Variants in RPL28 observed in about 807,000 individuals in gnomAD.
RPL28 encodes large ribosomal subunit protein eL28.
A neutral mutation model predicts 12.5 loss-of-function variants in RPL28; 4 were observed. That is an observed-to-expected ratio of 0.32 (90% CI 0.16 to 0.73). The LOEUF (loss-of-function observed/expected upper bound fraction) is 0.73, where lower values mean the gene tolerates loss of function less well. Among genes scored for constraint, RPL28 ranks in the 30% least tolerant of loss-of-function variants. RPL28 has a pLI of 0.66. For synonymous variants in RPL28, 91 were observed against 72.5 expected, an observed-to-expected ratio of 1.26 and a Z score of -1.30; for missense variants, 214 against 197.7, an observed-to-expected ratio of 1.08 and a Z score of -0.49.
intron 2 of RPL28, 51 bp from the exon 3 acceptor site, chr19:55,386,519 G>A (rs1184389551): frequency 6.3e-7 from 1 of 1,598,404 alleles, no homozygotes; most frequent in Non-Finnish European, 8.6e-7. Context: ...CGGGACCTTC[G>A]CATGTCTCCG....
In RPL28 at chr19:55,390,264, G is replaced by A. The variant is rs1600306383; in HGVS notation, c.*1932G>A. ...GTTGCCCAGGCTGGCGAGTGCAATG[G>A]CGCGATCTTGGCTCACTGCAGCCTC... On this transcript the variant is annotated 3_prime_UTR_variant, in exon 5 of 5. Transcript: ENST00000344063. 2.1e-6 allele frequency: 2 copies of A among 943,150 alleles called. No individual in the cohort carries two copies. The highest frequency in any genetic ancestry group is 5.5e-4 in the Middle Eastern group (1 of 1,812). 58.4% of individuals were successfully genotyped at this position (943,150 alleles called of 1,614,324 possible). A position where few individuals can be genotyped will look rare whatever the true frequency, so the allele number is the denominator to read the frequency against.
chr19:55,386,954 G>A (rs1405732330), intron 3 of RPL28: 5 of 1,457,564 alleles, frequency 3.4e-6, no homozygotes, highest in Non-Finnish European at 4.5e-6. Context: ...GAGAGTTAAG[G>A]CACGGGGTTG....
In RPL28 at chr19:55,390,932, A is replaced by G; in HGVS notation, c.*2600A>G. 1 of 985,446 alleles carries G rather than the reference A, an allele frequency of 1.0e-6. No individual in the cohort carries two copies. Among genetic ancestry groups the G allele is most frequent in the Non-Finnish European group, 1.2e-6 (1 of 829,944 alleles). The allele number at this position is 985,446 out of a possible 1,614,324, so 61.0% of individuals were successfully genotyped here. A position where few individuals can be genotyped will look rare whatever the true frequency, so the allele number is the denominator to read the frequency against. On this transcript the variant is annotated 3_prime_UTR_variant, in exon 5 of 5. Transcript: ENST00000344063. ...CATCTATTCCAGCTTTATTCACACA[A>G]ATCATGTCTGTTGGCCTGGAAATTG...
downstream of RPL28, among the ~76,000 whole-genome samples, chr19:55,396,416 A>G (rs185635391): frequency 1.8e-3 from 268 of 148,616 alleles, 1 homozygote; most frequent in African/African-American, 6.3e-3. Flanking sequence ...CAGACCCTCA[A>G]ACCACCCAAG....
At chr19:55,387,299 A>G (rs1271137044) in intron 3 of RPL28, 3 of 1,551,574 alleles carry the variant, frequency 1.9e-6, no homozygotes, top group Admixed American at 2.0e-5. Flanking sequence ...AGTTTTTCTC[A>G]GGTCCTTGAT....
chr19:55,387,116 T>C, intron 3 of RPL28: 1 of 1,339,482 alleles, frequency 7.5e-7, no homozygotes, highest in Non-Finnish European at 1.0e-6. Context: ...TTGATTCCCA[T>C]TTTGCCTGTG....
At chr19:55,394,775 T>G (rs866151239), downstream of RPL28, among the ~76,000 whole-genome samples, 1 of 152,166 alleles carries the variant, frequency 6.6e-6, no homozygotes, top group South Asian at 2.1e-4. Flanking sequence ...GATCTCACTA[T>G]GTTGTCCAGG....
intron 1 of RPL28, 97 bp downstream of exon 1, chr19:55,386,062 C>T: frequency 2.5e-6 from 1 of 405,958 alleles, no homozygotes; most frequent in Non-Finnish European, 4.7e-6. Context: ...CCTCAAGGGT[C>T]ATTGGCGGAC....
chr19:55,400,289 T>C (rs1339718729), intron 4 of RPL28: 1 of 152,226 alleles, frequency 6.6e-6, no homozygotes, highest in Non-Finnish European at 1.5e-5. Context: ...AAAGTTGGGA[T>C]TACAGGCGTG....
intron 4 of RPL28, among the ~76,000 whole-genome samples, chr19:55,397,369 A>G (rs544363593): frequency 6.6e-6 from 1 of 152,184 alleles, no homozygotes; most frequent in Admixed American, 6.5e-5. Flanking sequence ...GCTGTTTGTA[A>G]TCGGGACAAA....
chr19:55,386,706 T>G lies in RPL28; in HGVS notation c.205+13T>G. 6.2e-7 allele frequency: 1 copy of G among 1,614,044 alleles called. No homozygotes were observed. Among genetic ancestry groups the G allele is most frequent in the Non-Finnish European group, 8.5e-7 (1 of 1,179,938 alleles). ...AAGCGGAGATCCGGTGAGTTTTGTCTGGTTTGGGCCAGAGAGCGGCCCCTT... is the reference window on the plus strand; with the variant it reads ...AAGCGGAGATCCGGTGAGTTTTGTCGGGTTTGGGCCAGAGAGCGGCCCCTT... On this transcript the variant is annotated intron_variant, in intron 3 of 4. Coordinates refer to ENST00000344063, the MANE Select transcript of RPL28 (RefSeq NM_000991.5).
chr19:55,390,530 C>G lies in RPL28; in HGVS notation c.*2198C>G. ...GCTGCTGCTGCTCAGAAGGCCTTGT[C>G]CTTAACCACCTCCTTGCCTGCCCTG... On this transcript the variant is annotated 3_prime_UTR_variant, in exon 5 of 5. Transcript: ENST00000344063. 2 of 985,498 alleles carry G rather than the reference C, an allele frequency of 2.0e-6. No individual in the cohort carries two copies. The highest frequency in any genetic ancestry group is 2.4e-6 in the Non-Finnish European group (2 of 829,976). The allele number at this position is 985,498 out of a possible 1,614,324, so 61.0% of individuals were successfully genotyped here. A position where few individuals can be genotyped will look rare whatever the true frequency, so the allele number is the denominator to read the frequency against.
downstream of RPL28, among the ~76,000 whole-genome samples, chr19:55,396,946 C>G (rs2090028722): frequency 6.6e-6 from 1 of 151,806 alleles, no homozygotes; most frequent in Non-Finnish European, 1.5e-5. Flanking sequence ...GTGGCACAAT[C>G]TTGGCTCACT....
chr19:55,394,003 C>G (rs1473384322), downstream of RPL28, among the ~76,000 whole-genome samples: 1 of 151,438 alleles, frequency 6.6e-6, no homozygotes, highest in Non-Finnish European at 1.5e-5. Flanking sequence ...TGGCTCACTC[C>G]TGTAATCCCA....
intron 4 of RPL28, among the ~76,000 whole-genome samples, chr19:55,397,470 T>G (rs922644516): frequency 6.6e-6 from 1 of 151,774 alleles, no homozygotes; most frequent in African/African-American, 2.4e-5. Flanking sequence ...AGCTCCGCCT[T>G]CCGGGTTCAC....
rs2089960080 is a variant in RPL28, at chr19:55,388,654, A to G, written c.*322A>G. On this transcript the variant is annotated 3_prime_UTR_variant, in exon 5 of 5. Coordinates refer to ENST00000344063, the MANE Select transcript of RPL28 (RefSeq NM_000991.5). ...AGCTGGGGCAGTGGCTTCCATTCAG[A>G]AGAAGAAAGGCCTTTTCTAGCCCAG... 2.6e-6 allele frequency: 3 copies of G among 1,155,950 alleles called. No homozygotes were observed. Among genetic ancestry groups the G allele is most frequent in the Non-Finnish European group, 3.2e-6 (3 of 939,808 alleles). 71.6% of individuals were successfully genotyped at this position (1,155,950 alleles called of 1,614,324 possible).
downstream of RPL28, among the ~76,000 whole-genome samples, chr19:55,394,074 A>C (rs776553136): frequency 1.4e-4 from 22 of 152,118 alleles, no homozygotes; most frequent in Non-Finnish European, 3.1e-4. Flanking sequence ...CATCCAGGCT[A>C]ACACAGTGAA....
intron 4 of RPL28, chr19:55,401,098 C>T (rs893167115): frequency 8.4e-5 from 28 of 332,142 alleles, no homozygotes; most frequent in African/African-American, 2.0e-4. Flanking sequence ...GGGTTGTGAC[C>T]GCTCTACCTC....
chr19:55,386,510 G>A (rs1033545296), intron 2 of RPL28, 60 bp from the exon 3 acceptor site: 17 of 1,600,856 alleles, frequency 1.1e-5, no homozygotes, highest in South Asian at 2.2e-5. Flanking sequence ...GTCAGAGGGC[G>A]GGACCTTCGC....
Sources: gnomAD v4.1 joint callset for allele counts (sites outside exome capture counted in the v4.1 genomes callset) on GRCh38, gnomAD v4.1.1 for gene constraint, MANE v1.5 for transcripts, NCBI Gene and HGNC (gene_info 2026-07-23, HGNC 2026-07-21) for gene names.